GNAL: variants seen among roughly 807,000 people sequenced by gnomAD.
The protein encoded by GNAL is guanine nucleotide-binding protein G(olf) subunit alpha.
A neutral mutation model predicts 55.1 loss-of-function variants in GNAL; 18 were observed. The ratio of observed to expected loss-of-function variants is 0.33; its 90% CI spans 0.23 to 0.48. GNAL has a LOEUF of 0.48. Among genes scored for constraint, GNAL ranks in the 20% least tolerant of loss-of-function variants. The probability of loss-of-function intolerance (pLI) is 0.99; values close to 1 mark genes in which losing one functional copy is unlikely to be tolerated. For missense variants in GNAL, 412 were observed against 614.1 expected (o/e 0.67, Z 3.48); for synonymous variants, 253 against 237.0 (o/e 1.07, Z -0.62).
chr18:11,878,600 C>G (rs57952798), intron 11 of GNAL, among the ~76,000 whole-genome samples: 106,305 of 151,806 alleles, frequency 0.7, 37,977 homozygotes, highest in Middle Eastern at 0.78. Flanking sequence ...TTGCTTCACA[C>G]TGTCACCCAG....
chr18:11,855,463 G>A (rs1300785995), intron 5 of GNAL, among the ~76,000 whole-genome samples: 2 of 152,012 alleles, frequency 1.3e-5, no homozygotes, highest in Non-Finnish European at 2.9e-5. Context: ...AGGATTGAAA[G>A]AAAAAAGGTA....
intron 5 of GNAL, among the ~76,000 whole-genome samples, chr18:11,832,307 G>T (rs1055584369): frequency 6.6e-6 from 1 of 152,102 alleles, no homozygotes; most frequent in Admixed American, 6.5e-5. Context: ...ATTGGTTTTT[G>T]AATTCTCTAA....
At chr18:11,776,707 C>CAAAAAA (rs33937288) in intron 4 of GNAL, among the ~76,000 whole-genome samples, 1 of 71,642 alleles carries the variant, frequency 1.4e-5, no homozygotes, top group Non-Finnish European at 2.8e-5. Context: ...GATCCTGCCT[C>CAAAAAA]AAAAAAAAAA....
intron 5 of GNAL, among the ~76,000 whole-genome samples, chr18:11,837,736 A>T (rs759934040): frequency 6.6e-6 from 1 of 152,232 alleles, no homozygotes; most frequent in Non-Finnish European, 1.5e-5. Flanking sequence ...CACAGTTGCC[A>T]TATGGCCCAC....
chr18:11,874,345 G>A (rs2036473253), intron 10 of GNAL: 2 of 151,332 alleles, frequency 1.3e-5, no homozygotes, highest in Non-Finnish European at 2.9e-5. Flanking sequence ...TGGTCCATGT[G>A]ACGGCATGGG....
chr18:11,884,644 A>G lies in GNAL; in HGVS notation c.*3509A>G, dbSNP rs746771754. ...GATGCTACCCTGGAAAGGAGAAGGG[A>G]AAGTTATGCTGAGAGCACCAGGCAC... On this transcript the variant is annotated 3_prime_UTR_variant, in exon 12 of 12. Coordinates refer to ENST00000334049, the MANE Select transcript of GNAL (RefSeq NM_182978.4). 6.2e-7 allele frequency: 1 copy of G among 1,611,380 alleles called. No homozygotes were observed. The highest frequency in any genetic ancestry group is 8.5e-7 in the Non-Finnish European group (1 of 1,178,304).
intron 4 of GNAL, among the ~76,000 whole-genome samples, chr18:11,774,134 C>T (rs923837684): frequency 2.0e-5 from 3 of 152,142 alleles, no homozygotes; most frequent in South Asian, 2.1e-4. Flanking sequence ...CTTCACCATG[C>T]GTAATGTTAT....
intron 5 of GNAL, among the ~76,000 whole-genome samples, chr18:11,827,647 T>C (rs911591356): frequency 1.5e-5 from 2 of 135,162 alleles, no homozygotes; most frequent in African/African-American, 6.5e-5. Flanking sequence ...AAATGTCCTG[T>C]TTCCTGCCAT....
chr18:11,870,793 A>G (rs753056769), intron 9 of GNAL, among the ~76,000 whole-genome samples: 4 of 152,242 alleles, frequency 2.6e-5, no homozygotes, highest in Non-Finnish European at 5.9e-5. Flanking sequence ...GAGAGGAAAC[A>G]TAAGTTTACC....
intron 1 of GNAL, among the ~76,000 whole-genome samples, chr18:11,742,366 T>C (rs1009078800): frequency 1.4e-5 from 2 of 147,328 alleles, no homozygotes; most frequent in African/African-American, 2.4e-5. Flanking sequence ...ATTACCACAG[T>C]CCACTTACTG....
intron 4 of GNAL, among the ~76,000 whole-genome samples, chr18:11,791,801 G>T (rs1328842329): frequency 1.3e-5 from 2 of 152,144 alleles, no homozygotes; most frequent in Non-Finnish European, 2.9e-5. Context: ...TCGGACTCAA[G>T]TAGCTTCCCA....
In GNAL at chr18:11,786,437, T is replaced by C. The variant is rs866642495; in HGVS notation, c.624+32492T>C. Among the ~76,000 whole-genome samples, 113 of 37,274 alleles carry C rather than the reference T, an allele frequency of 3.0e-3. 1 individual carries two copies. Among genetic ancestry groups the C allele is most frequent in the African/African-American group, 0.012 (108 of 8,684 alleles). The allele number at this position is 37,274 out of a possible 152,430, so 24.5% of individuals were successfully genotyped here. On this transcript the variant is annotated intron_variant, in intron 4 of 11. Coordinates refer to ENST00000334049, the MANE Select transcript of GNAL (RefSeq NM_182978.4). ...GTGGGATAGATCTTCATACGTTTTC[T>C]TTTTTTTTTTTTTTTTTTTTTTTTT...
intron 4 of GNAL, among the ~76,000 whole-genome samples, chr18:11,779,645 G>A (rs1306064500): frequency 6.6e-6 from 1 of 152,152 alleles, no homozygotes; most frequent in African/African-American, 2.4e-5. Context: ...GGGTCAATGG[G>A]AATGGAAAGA....
chr18:11,861,235 G>GCC (rs562027326), intron 5 of GNAL, among the ~76,000 whole-genome samples: 1 of 151,846 alleles, frequency 6.6e-6, no homozygotes, highest in African/African-American at 2.4e-5. Context: ...GAGAGCCTGG[G>GCC]CCCCCCCGAC....
At chr18:11,866,356 G>A (rs1432202373) in intron 7 of GNAL, among the ~76,000 whole-genome samples, 1 of 150,384 alleles carries the variant, frequency 6.6e-6, no homozygotes, top group African/African-American at 2.5e-5. Context: ...AGCCCGTGTG[G>A]TCCTAAGGCA....
intron 5 of GNAL, among the ~76,000 whole-genome samples, chr18:11,856,745 G>A (rs1249274851): frequency 6.6e-6 from 1 of 150,390 alleles, no homozygotes; most frequent in Admixed American, 6.6e-5. Context: ...GGCCAACAGG[G>A]TGAAACCCCG....
chr18:11,799,062 G>T (rs922549585), intron 4 of GNAL, among the ~76,000 whole-genome samples: 1 of 151,132 alleles, frequency 6.6e-6, no homozygotes, highest in Non-Finnish European at 1.5e-5. Context: ...GCAATGAGTC[G>T]AGATCAAGCC....
At chr18:11,880,053 T>A (rs2036629569) in intron 11 of GNAL, among the ~76,000 whole-genome samples, 1 of 149,932 alleles carries the variant, frequency 6.7e-6, no homozygotes, top group Non-Finnish European at 1.5e-5. Context: ...GGTCAGGAGT[T>A]CAAGACCAGC....
intron 4 of GNAL, among the ~76,000 whole-genome samples, chr18:11,768,787 G>A (rs1175050613): frequency 3.5e-5 from 5 of 141,868 alleles, no homozygotes; most frequent in African/African-American, 5.2e-5. Context: ...CCAGCTACTC[G>A]GGAGGCTGAG....
Sources: allele counts gnomAD v4.1 joint callset (sites outside exome capture counted in the v4.1 genomes callset), GRCh38; gene constraint gnomAD v4.1.1; transcripts MANE v1.5; gene names NCBI Gene and HGNC (gene_info 2026-07-23, HGNC 2026-07-21).